The following KLRD1 variants were observed in gnomAD, a reference collection of about 807,000 sequenced individuals.
KLRD1 encodes the protein killer cell lectin like receptor D1.
KLRD1 carries 21 observed loss-of-function variants against 22.6 expected under a neutral mutation model. The ratio of observed to expected loss-of-function variants is 0.93; its 90% confidence interval spans 0.66 to 1.34. KLRD1 has a LOEUF of 1.34. KLRD1 is among the 40% of genes most tolerant of loss of function. The pLI is 0.00. For missense variants in KLRD1, 183 were observed against 208.6 expected (o/e 0.88, Z 0.76); for synonymous variants, 59 against 71.1 (o/e 0.83, Z 0.85).
At chr12:10,305,450 G>A (rs571855269), upstream of KLRD1, among the ~76,000 whole-genome samples, 117 of 152,318 alleles carry the variant, frequency 7.7e-4, no homozygotes, top group Middle Eastern at 3.4e-3. Context: ...ATAGGAAAGG[G>A]AAAGTGGAAC....
chr12:10,262,133 A>G (rs930272047), intron 1 of KLRD1, among the ~76,000 whole-genome samples: 1 of 152,096 alleles, frequency 6.6e-6, no homozygotes, highest in Non-Finnish European at 1.5e-5. Context: ...TGCTTAAGTG[A>G]ACACAATATG....
In KLRD1 at chr12:10,320,193, A is replaced by T. The variant is rs1950299007; in HGVS notation, c.*5400A>T. Reference sequence around the variant, plus strand: ...ATAACTTTTATTCTTTTAAGTCACTAAATATTAACGTGTCACATAGCAATA... The same window carrying T: ...ATAACTTTTATTCTTTTAAGTCACTTAATATTAACGTGTCACATAGCAATA... On this transcript the variant is annotated 3_prime_UTR_variant, in exon 6 of 6. Transcript: ENST00000336164. 6.6e-6 allele frequency: 1 copy of T among 151,840 alleles called. No homozygotes were observed. The highest frequency in any genetic ancestry group is 1.5e-5 in the Non-Finnish European group (1 of 67,954). The allele number at this position is 151,840 out of a possible 1,614,324, so 9.4% of individuals were successfully genotyped here. A position where few individuals can be genotyped will look rare whatever the true frequency, so the allele number is the denominator to read the frequency against.
Position 10,323,119 on chromosome 12 carries a change from A to G in KLRD1, c.*8326A>G, listed in dbSNP as rs1021816817. 2 of 152,226 alleles carry G rather than the reference A, an allele frequency of 1.3e-5. No individual in the cohort carries two copies. Among genetic ancestry groups the G allele is most frequent in the East Asian group, 1.9e-4 (1 of 5,204 alleles). The allele number at this position is 152,226 out of a possible 1,614,324, so 9.4% of individuals were successfully genotyped here. On this transcript the variant is annotated 3_prime_UTR_variant, in exon 6 of 6. Coordinates refer to ENST00000336164, the MANE Select transcript of KLRD1 (RefSeq NM_002262.5). ...TTTCACTATTATGAGTAAAATTGCT[A>G]TAAACATTTTAATATAGCTCTTGTG... is the stretch of plus-strand genomic sequence containing the variant.
intron 1 of KLRD1, among the ~76,000 whole-genome samples, chr12:10,299,164 A>G (rs1018664104): frequency 6.6e-6 from 1 of 150,856 alleles, no homozygotes; most frequent in African/African-American, 2.4e-5. Flanking sequence ...CCATGTTACC[A>G]TTAGGGTTCC....
At chr12:10,313,573 T>A in intron 5 of KLRD1, 60 bp downstream of exon 5, 2 of 926,858 alleles carry the variant, frequency 2.2e-6, no homozygotes, top group Non-Finnish European at 3.4e-6. Context: ...TAAATGTGAC[T>A]AGTAAAGGTA....
At chr12:10,270,866 C>T (rs10772253) in intron 1 of KLRD1, among the ~76,000 whole-genome samples, 86,122 of 150,858 alleles carry the variant, frequency 0.57, 27,172 homozygotes, top group Admixed American at 0.74. Context: ...TCATTGCAAC[C>T]TCTGCCTCCC....
intron 3 of KLRD1, among the ~76,000 whole-genome samples, chr12:10,310,853 A>C (rs1001971899): frequency 5.3e-5 from 8 of 152,224 alleles, no homozygotes; most frequent in African/African-American, 1.9e-4. Flanking sequence ...CAAAGATTTG[A>C]GTGCCTATGA....
intron 1 of KLRD1, among the ~76,000 whole-genome samples, chr12:10,266,227 A>T (rs1949497449): frequency 6.6e-6 from 1 of 152,072 alleles, no homozygotes; most frequent in South Asian, 2.1e-4. Flanking sequence ...CTTGTTTCTT[A>T]TTTTTAAAGT....
rs1415707132 is a variant in KLRD1, at chr12:10,289,798, GAC to G, written c.-100-18178_-100-18177del. ...AATTTGTAATTTTTTTTGTGTGTGT[GAC>G]AGAGTTTCATTCTTGTTGCCCAGGC... On this transcript the variant is annotated intron_variant, in intron 1 of 5. Transcript: ENST00000544747. Among the ~76,000 whole-genome samples the G allele has an allele frequency of 5.3e-5, 8 of 152,272 alleles. No homozygotes were observed. In the East Asian group the frequency reaches 1.5e-3, roughly 29 times the overall value.
At chr12:10,284,428 C>T (rs1949680456) in intron 1 of KLRD1, among the ~76,000 whole-genome samples, 1 of 152,070 alleles carries the variant, frequency 6.6e-6, no homozygotes, top group Admixed American at 6.6e-5. Context: ...GGAGATAAGT[C>T]CCCAGTTCTT....
rs545852866 is a variant in KLRD1, at chr12:10,239,518, C to CCTTTCTTTCTTTCTCTTTCTTT, written c.-101+13299_-101+13300insCTTTCTTTCTTTCTTTCTTTCT. The stretch of plus-strand genomic sequence containing the variant: ...CTTCCTTCCTTCCCTCCTTCCCTCC[C>CCTTTCTTTCTTTCTCTTTCTTT]CTTTCTTTCTTTCTTTCTTTCTTTC... On this transcript the variant is annotated intron_variant, in intron 1 of 5. Coordinates refer to the KLRD1 transcript ENST00000544747. Among the ~76,000 whole-genome samples, 12 of 59,534 alleles carry CCTTTCTTTCTTTCTCTTTCTTT rather than the reference C, an allele frequency of 2.0e-4. No individual in the cohort carries two copies. The South Asian group carries it at 2.8e-3, about 14-fold the overall frequency. 39.1% of individuals were successfully genotyped at this position (59,534 alleles called of 152,430 possible).
chr12:10,281,069 T>C (rs988944407), intron 1 of KLRD1, among the ~76,000 whole-genome samples: 2 of 152,136 alleles, frequency 1.3e-5, no homozygotes, highest in African/African-American at 4.8e-5. Flanking sequence ...TGAGAAGAGA[T>C]TGAGGATCTT....
intron 1 of KLRD1, among the ~76,000 whole-genome samples, chr12:10,258,865 T>C (rs1421018289): frequency 6.6e-6 from 1 of 152,214 alleles, no homozygotes; most frequent in Non-Finnish European, 1.5e-5. Flanking sequence ...TATATATTTA[T>C]GCTTTCCCAA....
chr12:10,254,900 ATAAAT>A (rs1401328430), intron 1 of KLRD1, among the ~76,000 whole-genome samples: 50 of 149,584 alleles, frequency 3.3e-4, no homozygotes, highest in African/African-American at 1.2e-3. Flanking sequence ...TCAAAAATAA[ATAAAT>A]TAAAAAAAAA....
intron 1 of KLRD1, among the ~76,000 whole-genome samples, chr12:10,288,485 G>A (rs181003224): frequency 7.2e-5 from 11 of 152,210 alleles, no homozygotes; most frequent in Admixed American, 2.0e-4. Context: ...ATTTTAATCC[G>A]TTAGAGGTAG....
chr12:10,248,465 T>C (rs1949312958), intron 1 of KLRD1, among the ~76,000 whole-genome samples: 1 of 152,246 alleles, frequency 6.6e-6, no homozygotes. Context: ...CTAATAAACT[T>C]CTTAATATTT....
rs901095510 is a variant in KLRD1 at position 10,326,399 on chromosome 12, A to C, written c.*11606A>C. Reference sequence around the variant, plus strand: ...CCTCACCTCAGGAGGTCCTGCTGACATGTGCCCAAGGTGGTCAGGGCACAG... The same window carrying C: ...CCTCACCTCAGGAGGTCCTGCTGACCTGTGCCCAAGGTGGTCAGGGCACAG... On this transcript the variant is annotated 3_prime_UTR_variant, in exon 6 of 6. Coordinates refer to ENST00000336164, the MANE Select transcript of KLRD1 (RefSeq NM_002262.5). 1.3e-5 allele frequency: 2 copies of C among 152,212 alleles called. No homozygotes were observed. Among genetic ancestry groups the C allele is most frequent in the African/African-American group, 4.8e-5 (2 of 41,456 alleles). 9.4% of individuals were successfully genotyped at this position (152,212 alleles called of 1,614,324 possible).
intron 1 of KLRD1, among the ~76,000 whole-genome samples, chr12:10,242,412 C>T (rs1194167832): frequency 6.6e-6 from 1 of 152,124 alleles, no homozygotes; most frequent in Admixed American, 6.5e-5. Flanking sequence ...CATTTTCAAT[C>T]CCTTCTCTCC....
intron 4 of KLRD1, among the ~76,000 whole-genome samples, chr12:10,312,463 C>G (rs1375232503): frequency 6.6e-6 from 1 of 151,604 alleles, no homozygotes; most frequent in Non-Finnish European, 1.5e-5. Context: ...ACTGCAAGCT[C>G]CTCCTCCCGG....
Sources: gnomAD v4.1 joint callset for allele counts (sites outside exome capture counted in the v4.1 genomes callset) on GRCh38, gnomAD v4.1.1 for gene constraint, MANE v1.5 for transcripts, NCBI Gene and HGNC (gene_info 2026-07-23, HGNC 2026-07-21) for gene names.